The following LRRC37A2 variants were observed in gnomAD, a reference collection of about 807,000 sequenced individuals.
LRRC37A2 encodes the protein leucine rich repeat containing 37 member A2, also known as leucine-rich repeat-containing protein 37A2.
Under a neutral mutation model 68.8 loss-of-function variants are expected in LRRC37A2, and 9 were observed. That is an observed-to-expected ratio of 0.13 (90% CI 0.08 to 0.23). The LOEUF is 0.23. LRRC37A2 is among the 10% of genes least tolerant of loss of function. LRRC37A2 has a pLI of 1.00. For synonymous variants in LRRC37A2, 63 were observed against 367.6 expected (o/e 0.17, Z 9.48); for missense variants, 168 against 950.4 (o/e 0.18, Z 10.82).
At chr17:46,721,939 T>C in the LRRC37A2 span, 3 of 1,601,284 alleles carry the variant, frequency 1.9e-6, no homozygotes, top group African/African-American at 1.3e-5. Flanking sequence ...CTAGCCGGAC[T>C]TGGATTTTCT....
the LRRC37A2 span, among the ~76,000 whole-genome samples, chr17:47,005,091 T>C: frequency 6.6e-6 from 1 of 152,230 alleles, no homozygotes; most frequent in Non-Finnish European, 1.5e-5. Context: ...TTCCTAACTC[T>C]GTTTTTAACA....
the LRRC37A2 span, among the ~76,000 whole-genome samples, chr17:46,392,418 TC>T: frequency 4.7e-4 from 27 of 57,298 alleles, no homozygotes; most frequent in African/African-American, 1.5e-3. Context: ...TTTCTCTCTC[TC>T]TCTTTCTTTC....
chr17:46,803,456 C>A, the LRRC37A2 span, among the ~76,000 whole-genome samples: 1 of 152,190 alleles, frequency 6.6e-6, no homozygotes, highest in South Asian at 2.1e-4. Context: ...ATCGCTTGAA[C>A]CTGGGAGGCA....
the LRRC37A2 span, among the ~76,000 whole-genome samples, chr17:46,997,168 T>C: frequency 6.6e-6 from 1 of 152,028 alleles, no homozygotes; most frequent in Non-Finnish European, 1.5e-5. Context: ...CTGGGTAACA[T>C]GGTGAAACCC....
the LRRC37A2 span, among the ~76,000 whole-genome samples, chr17:46,859,368 G>A: frequency 6.6e-6 from 1 of 152,188 alleles, no homozygotes; most frequent in Non-Finnish European, 1.5e-5. Flanking sequence ...TTTTGCATAT[G>A]AATGTCCACG....
the LRRC37A2 span, among the ~76,000 whole-genome samples, chr17:46,870,370 C>A: frequency 6.6e-6 from 1 of 152,188 alleles, no homozygotes; most frequent in East Asian, 1.9e-4. Flanking sequence ...TCTGGACCTG[C>A]CAAGGGTCAA....
chr17:46,929,397 T>C, the LRRC37A2 span: 1 of 710,232 alleles, frequency 1.4e-6, no homozygotes, highest in Admixed American at 2.0e-5. Context: ...ATACAAATTT[T>C]ACAGTTCAGT....
the LRRC37A2 span, among the ~76,000 whole-genome samples, chr17:46,819,949 G>C: frequency 5.9e-5 from 9 of 152,206 alleles, no homozygotes; most frequent in Non-Finnish European, 1.3e-4. This position sits in a 1 kb window ranked among gnomAD's most constrained non-coding sequence, Gnocchi z 5.3. Flanking sequence ...GCGCAGCCCC[G>C]GTCTGGGGTG....
At chr17:46,839,388 C>T in the LRRC37A2 span, among the ~76,000 whole-genome samples, 4 of 152,172 alleles carry the variant, frequency 2.6e-5, no homozygotes, top group East Asian at 1.9e-4. Context: ...GCAGCACTGG[C>T]GTGGTGTCCA....
the LRRC37A2 span, among the ~76,000 whole-genome samples, chr17:46,864,313 C>A: frequency 6.6e-6 from 1 of 152,180 alleles, no homozygotes; most frequent in African/African-American, 2.4e-5. Context: ...ACTTCCCACC[C>A]ACTGCCTCCA....
At chr17:46,867,785 G>A in the LRRC37A2 span, among the ~76,000 whole-genome samples, 1 of 152,148 alleles carries the variant, frequency 6.6e-6, no homozygotes. Flanking sequence ...TGTGTGAGAT[G>A]AAGCCCTGAG....
the LRRC37A2 span, among the ~76,000 whole-genome samples, chr17:46,857,383 G>A: frequency 1.3e-5 from 2 of 150,542 alleles, no homozygotes; most frequent in East Asian, 3.9e-4. Context: ...GCTGAGGCAG[G>A]AGAATCACTT....
the LRRC37A2 span, chr17:47,019,199 G>A: frequency 7.0e-7 from 1 of 1,438,476 alleles, no homozygotes; most frequent in Non-Finnish European, 9.7e-7. Context: ...TGGACCTGGG[G>A]TTTACCATCA....
chr17:47,016,503 G>A, the LRRC37A2 span, among the ~76,000 whole-genome samples: 1 of 86,954 alleles, frequency 1.2e-5, no homozygotes, highest in African/African-American at 4.9e-5. Context: ...GGTGACCCTA[G>A]AAGTGCTGTA....
At chr17:46,892,375 C>T in the LRRC37A2 span, among the ~76,000 whole-genome samples, 1 of 152,166 alleles carries the variant, frequency 6.6e-6, no homozygotes, top group Non-Finnish European at 1.5e-5. Context: ...AGCCAAATCA[C>T]CTGTCTCTGA....
At chr17:46,756,630 A>G in the LRRC37A2 span, 1 of 152,786 alleles carries the variant, frequency 6.5e-6, no homozygotes, top group Admixed American at 6.5e-5. Context: ...CAAACCTCTC[A>G]GCACTAATTA....
the LRRC37A2 span, among the ~76,000 whole-genome samples, chr17:47,000,841 T>A: frequency 1.1e-4 from 16 of 152,182 alleles, no homozygotes; most frequent in Non-Finnish European, 5.9e-5. Flanking sequence ...CAGGGAACTA[T>A]GGCTGCTGCC....
the LRRC37A2 span, among the ~76,000 whole-genome samples, chr17:46,878,249 C>G: frequency 1.3e-5 from 2 of 152,242 alleles, no homozygotes; most frequent in Non-Finnish European, 2.9e-5. Flanking sequence ...TTCCTTTCTC[C>G]CTAAACCTAG....
chr17:47,026,675 C>T, the LRRC37A2 span, among the ~76,000 whole-genome samples: 1 of 152,088 alleles, frequency 6.6e-6, no homozygotes. Flanking sequence ...CACTGTATAA[C>T]TGAATAAATT....
Sources: allele counts gnomAD v4.1 joint callset (sites outside exome capture counted in the v4.1 genomes callset), GRCh38; gene constraint gnomAD v4.1.1; non-coding constraint Gnocchi (gnomAD v3.1); transcripts MANE v1.5; gene names NCBI Gene and HGNC (gene_info 2026-07-23, HGNC 2026-07-21).